The following POU2AF1 variants were observed in gnomAD, a reference collection of about 807,000 sequenced individuals.
POU2AF1 encodes the protein POU class 2 homeobox associating factor 1.
POU2AF1 carries 12 observed loss-of-function variants against 26.3 expected under a neutral mutation model. That is an observed-to-expected ratio of 0.46 (90% confidence interval 0.29 to 0.74). The LOEUF (loss-of-function observed/expected upper bound fraction) is 0.74, where lower values mean the gene tolerates loss of function less well. Ranked by LOEUF, POU2AF1 falls within the 30% of genes least tolerant of loss-of-function variation. POU2AF1 has a pLI of 0.09. For missense variants in POU2AF1, 297 were observed against 334.5 expected (o/e 0.89, Z 0.87); for synonymous variants, 175 against 148.0 (o/e 1.18, Z -1.32).
intron 1 of POU2AF1, among the ~76,000 whole-genome samples, chr11:111,375,889 C>A (rs1308442452): frequency 6.6e-6 from 1 of 152,218 alleles, no homozygotes; most frequent in East Asian, 1.9e-4. Context: ...ATAGACAGAG[C>A]TGTGTTCCAA....
rs1448766634 is a variant in POU2AF1 at position 111,354,439 on chromosome 11, G to T, written c.593C>A (p.Pro198Gln). ...TSTLQYQPPA[P>Q]ALPGPQFVQL... ...GACAAACTGGGGCCCAGGTAGGGCT[G>T]GGGCCGGAGGCTGGTACTGCAGGGT... The change falls in exon 5 of 5, where the codon CCA becomes CAA. Residue 198 changes from proline (P) to glutamine (Q), a missense_variant. Physicochemically the swap from Pro to Gln is moderately conservative, Grantham distance 76 (BLOSUM62 -1). Coordinates refer to ENST00000393067, the MANE Select transcript of POU2AF1 (RefSeq NM_006235.3). 6.2e-7 allele frequency: 1 copy of T among 1,613,950 alleles called. No individual in the cohort carries two copies. The highest frequency in any genetic ancestry group is 8.5e-7 in the Non-Finnish European group (1 of 1,179,956).
intron 1 of POU2AF1, chr11:111,363,580 C>T: frequency 3.0e-6 from 2 of 660,196 alleles, no homozygotes; most frequent in Non-Finnish European, 3.8e-6. Context: ...CCTTGGGGAT[C>T]CCGGATCCCT....
At chr11:111,375,452 A>G (rs1463921784) in intron 1 of POU2AF1, among the ~76,000 whole-genome samples, 1 of 118,918 alleles carries the variant, frequency 8.4e-6, no homozygotes, top group Non-Finnish European at 1.6e-5. Flanking sequence ...GCTGGAGTGC[A>G]GTGGCACGAT....
At chr11:111,378,665 G>A (rs781703815) in intron 1 of POU2AF1, among the ~76,000 whole-genome samples, 1 of 100,484 alleles carries the variant, frequency 1.0e-5, no homozygotes, top group Admixed American at 1.1e-4. Context: ...ACTCCTCCCA[G>A]GGTATCCACA....
chr11:111,358,663 C>T, intron 2 of POU2AF1, 125 bp downstream of exon 2: 1 of 1,197,806 alleles, frequency 8.3e-7, no homozygotes, highest in Non-Finnish European at 1.2e-6. Context: ...CACACTCTAT[C>T]ACACACAAAC....
intron 1 of POU2AF1, among the ~76,000 whole-genome samples, chr11:111,370,118 T>C (rs1177541393): frequency 1.3e-5 from 2 of 152,180 alleles, no homozygotes; most frequent in South Asian, 2.1e-4. Flanking sequence ...GCCTGGGGTG[T>C]AGCCTTCGCA....
At position 111,379,248 on chromosome 11, in the gene POU2AF1, G is replaced by A. The variant is rs1861376731; in HGVS notation, c.-71C>T. 1 of 1,597,386 alleles carries A rather than the reference G, an allele frequency of 6.3e-7. No individual in the cohort carries two copies. Among genetic ancestry groups the A allele is most frequent in the Non-Finnish European group, 8.6e-7 (1 of 1,164,756 alleles). On this transcript the variant is annotated 5_prime_UTR_variant, in exon 1 of 5. Transcript: ENST00000393067. ...GGCTTCTTTAATGTGAGACCGGGGT[G>A]TGTTTTCCTCCAGTGGAGCCACCGC... is the stretch of plus-strand genomic sequence containing the variant.
At chr11:111,355,328 C>A (rs1034205049) in intron 4 of POU2AF1, among the ~76,000 whole-genome samples, 2 of 152,228 alleles carry the variant, frequency 1.3e-5, no homozygotes, top group African/African-American at 4.8e-5. Context: ...GAATGCTCTG[C>A]GAGTCATACC....
intron 1 of POU2AF1, among the ~76,000 whole-genome samples, chr11:111,378,603 A>C (rs1029389903): frequency 1.9e-4 from 29 of 152,322 alleles, no homozygotes; most frequent in African/African-American, 6.0e-4. Context: ...AAGAATGACG[A>C]AAGGCAAGAC....
Position 111,373,340 on chromosome 11 carries a change from C to T in POU2AF1, c.16+5822G>A, listed in dbSNP as rs1002966716. 2.6e-5 allele frequency among the ~76,000 whole-genome samples: 4 copies of T among 152,202 alleles called. No homozygotes were observed. In the East Asian group the frequency reaches 7.7e-4, roughly 29 times the overall value. ...AACCTCCAGGTCAGCAGTTCTCAGC[C>T]TTCTCACCTGGGAGCCATTTGCAGC... is the stretch of plus-strand genomic sequence containing the variant. On this transcript the variant is annotated intron_variant, in intron 1 of 4. Coordinates refer to ENST00000393067, the MANE Select transcript of POU2AF1 (RefSeq NM_006235.3).
At chr11:111,363,583 G>A (rs544089362) in intron 1 of POU2AF1, 65 of 647,502 alleles carry the variant, frequency 1.0e-4, no homozygotes, top group South Asian at 7.8e-4. Flanking sequence ...TGGGGATCCC[G>A]GATCCCTGAA....
At chr11:111,358,341 C>A (rs1860899654) in intron 2 of POU2AF1, among the ~76,000 whole-genome samples, 1 of 78,278 alleles carries the variant, frequency 1.3e-5, no homozygotes, top group African/African-American at 3.4e-5. Flanking sequence ...CACACTCTCA[C>A]ACTCTCACAC....
At chr11:111,377,717 CTGAGTGAAAGGGCACA>C (rs1861336106) in intron 1 of POU2AF1, 1 of 176,936 alleles carries the variant, frequency 5.7e-6, no homozygotes, top group Admixed American at 6.3e-5. Flanking sequence ...TGATTCAGCC[CTGAGTGAAAGGGCACA>C]CAGATGCTTA....
At chr11:111,362,765 G>T (rs1269465903) in intron 1 of POU2AF1, among the ~76,000 whole-genome samples, 1 of 114,200 alleles carries the variant, frequency 8.8e-6, no homozygotes, top group Non-Finnish European at 1.9e-5. Flanking sequence ...GGGGTTACTT[G>T]GGGGGGTCTG....
In POU2AF1 at chr11:111,352,947, AAAAG is replaced by A. The variant is rs1860755090; in HGVS notation, c.*1310_*1313del. ...GACTCCGTCCCAAAAAAAACCAAAA[AAAAG>A]AAAGAAAGAGAGAGGAAGGAAGGAA... On this transcript the variant is annotated 3_prime_UTR_variant, in exon 5 of 5. Transcript: ENST00000393067. The A allele has an allele frequency of 1.2e-5, 2 of 173,178 alleles. No homozygotes were observed. Among genetic ancestry groups the A allele is most frequent in the African/African-American group, 4.9e-5 (2 of 40,744 alleles). 10.7% of individuals were successfully genotyped at this position (173,178 alleles called of 1,614,324 possible).
In POU2AF1 at chr11:111,357,432, T is replaced by C; in HGVS notation, c.456+13A>G. 6.2e-7 allele frequency: 1 copy of C among 1,614,080 alleles called. No individual in the cohort carries two copies. Among genetic ancestry groups the C allele is most frequent in the Non-Finnish European group, 8.5e-7 (1 of 1,179,992 alleles). ...AGCATGGGCGGGTGCAGTCCTGCCT[T>C]TGTGTGACATACCGTGACATTGGTG... On this transcript the variant is annotated intron_variant, in intron 4 of 4. Transcript: ENST00000393067.
intron 1 of POU2AF1, among the ~76,000 whole-genome samples, chr11:111,375,616 G>A (rs867169810): frequency 4.6e-5 from 7 of 151,914 alleles, no homozygotes; most frequent in African/African-American, 1.5e-4. Context: ...AGCCAGGATG[G>A]TCTCGATCTC....
chr11:111,362,604 G>A (rs1861031796), intron 1 of POU2AF1, among the ~76,000 whole-genome samples: 2 of 152,086 alleles, frequency 1.3e-5, no homozygotes, highest in African/African-American at 2.4e-5. Flanking sequence ...TTCACATAAC[G>A]TCCTCCAGTT....
chr11:111,378,783 G>A (rs1293427641), intron 1 of POU2AF1, among the ~76,000 whole-genome samples: 3 of 152,170 alleles, frequency 2.0e-5, no homozygotes, highest in Non-Finnish European at 4.4e-5. Flanking sequence ...AGCCCCTCCT[G>A]TAAAGAACTG....
Sources: gnomAD v4.1 joint callset for allele counts (sites outside exome capture counted in the v4.1 genomes callset) on GRCh38, gnomAD v4.1.1 for gene constraint, MANE v1.5 for transcripts, NCBI Gene and HGNC (gene_info 2026-07-23, HGNC 2026-07-21) for gene names.